The following EYA4 variants were observed in gnomAD, a reference collection of about 807,000 sequenced individuals.
EYA4 encodes the protein protein phosphatase EYA4.
Under a neutral mutation model 87.9 loss-of-function variants are expected in EYA4, and 31 were observed. That is an observed-to-expected ratio of 0.35 (90% CI 0.27 to 0.48). The LOEUF (loss-of-function observed/expected upper bound fraction) is 0.48. Ranked by LOEUF, EYA4 falls within the 20% of genes least tolerant of loss-of-function variation. The pLI, the probability that EYA4 is intolerant of heterozygous loss-of-function variation, is 0.99. For synonymous variants in EYA4, 263 were observed against 270.6 expected (o/e 0.97, Z 0.28); for missense variants, 678 against 761.4 (o/e 0.89, Z 1.29).
intron 3 of EYA4, among the ~76,000 whole-genome samples, chr6:133,393,447 C>A (rs560033266): frequency 1.3e-5 from 2 of 151,902 alleles, no homozygotes; most frequent in Non-Finnish European, 2.9e-5. Flanking sequence ...AGGAACATTG[C>A]GGAGGGGAAT....
chr6:133,529,062 C>A lies in EYA4; in HGVS notation c.*257C>A. The A allele has an allele frequency of 8.0e-7, 1 of 1,251,802 alleles. No individual in the cohort carries two copies. Among genetic ancestry groups the A allele is most frequent in the Non-Finnish European group, 1.0e-6 (1 of 985,226 alleles). The allele number at this position is 1,251,802 out of a possible 1,614,324, so 77.5% of individuals were successfully genotyped here. On this transcript the variant is annotated 3_prime_UTR_variant, in exon 20 of 20. Transcript: ENST00000355286. ...AATCTGTGGAGGTTGCTGGTACACA[C>A]CAAATGAGTCCAAACTGGAATGAGC... is the stretch of plus-strand genomic sequence containing the variant.
chr6:133,322,072 A>G (rs1205594876), intron 2 of EYA4, among the ~76,000 whole-genome samples: 1 of 152,200 alleles, frequency 6.6e-6, no homozygotes, highest in Admixed American at 6.5e-5. Flanking sequence ...GGCTTATGTC[A>G]GTGATCAAAT....
intron 11 of EYA4, 92 bp from the exon 12 acceptor site, chr6:133,481,371 G>A (rs1399997777): frequency 6.4e-6 from 8 of 1,258,492 alleles, no homozygotes; most frequent in Admixed American, 3.4e-5. Flanking sequence ...GGTTTCTATT[G>A]TATAGGAATT....
chr6:133,429,482 C>T (rs893671758), intron 3 of EYA4, among the ~76,000 whole-genome samples: 4 of 151,886 alleles, frequency 2.6e-5, no homozygotes, highest in Admixed American at 2.6e-4. Context: ...TAGAATGTGA[C>T]CCCAGAGACA....
At chr6:133,435,407 T>C (rs951379766) in intron 3 of EYA4, 7 of 152,478 alleles carry the variant, frequency 4.6e-5, no homozygotes, top group Non-Finnish European at 8.8e-5. Flanking sequence ...CTGGTCCTTG[T>C]TAAGGGTCTC....
At chr6:133,379,271 T>A (rs1785969004) in intron 2 of EYA4, among the ~76,000 whole-genome samples, 1 of 152,100 alleles carries the variant, frequency 6.6e-6, no homozygotes, top group Non-Finnish European at 1.5e-5. Flanking sequence ...TGATAGTCAT[T>A]GAAGGTTCTA....
chr6:133,468,933 T>A (rs1795087907), intron 11 of EYA4, among the ~76,000 whole-genome samples: 1 of 152,064 alleles, frequency 6.6e-6, no homozygotes, highest in Non-Finnish European at 1.5e-5. Flanking sequence ...AGATAGGCGA[T>A]TTTAATCTCT....
chr6:133,401,936 G>T (rs996310418), intron 3 of EYA4, among the ~76,000 whole-genome samples: 2 of 152,102 alleles, frequency 1.3e-5, no homozygotes, highest in African/African-American at 4.8e-5. Flanking sequence ...AAAGATGATA[G>T]CAACAGTGCC....
chr6:133,389,966 C>T (rs1787114582), intron 3 of EYA4, among the ~76,000 whole-genome samples: 1 of 152,086 alleles, frequency 6.6e-6, no homozygotes. Flanking sequence ...GGGTCTAGAC[C>T]CTGCCTTTCT....
chr6:133,393,035 G>C (rs1184102265), intron 3 of EYA4, among the ~76,000 whole-genome samples: 5 of 152,180 alleles, frequency 3.3e-5, no homozygotes, highest in African/African-American at 1.2e-4. Context: ...TTGCATCACA[G>C]GGGTAATTAG....
At chr6:133,441,642 G>A (rs1792305387) in intron 3 of EYA4, among the ~76,000 whole-genome samples, 1 of 152,110 alleles carries the variant, frequency 6.6e-6, no homozygotes, top group South Asian at 2.1e-4. Flanking sequence ...GACAGGGTGA[G>A]TGGTCTGGTG....
chr6:133,280,240 G>A (rs940299621), intron 2 of EYA4, among the ~76,000 whole-genome samples: 3 of 152,108 alleles, frequency 2.0e-5, no homozygotes, highest in Non-Finnish European at 2.9e-5. Context: ...CCCAGTTTCA[G>A]AATTACTGTT....
chr6:133,388,659 C>G (rs975280349), intron 3 of EYA4, among the ~76,000 whole-genome samples: 2 of 152,072 alleles, frequency 1.3e-5, no homozygotes, highest in East Asian at 3.9e-4. Flanking sequence ...CTCATTGTTA[C>G]TCAGAGAATA....
chr6:133,242,858 A>T (rs773953731), intron 1 of EYA4, among the ~76,000 whole-genome samples: 7 of 151,908 alleles, frequency 4.6e-5, no homozygotes, highest in Middle Eastern at 3.2e-3. Context: ...AAGACAACGG[A>T]TTTGCGCCTG....
intron 2 of EYA4, among the ~76,000 whole-genome samples, chr6:133,299,653 A>T (rs1779211574): frequency 6.6e-6 from 1 of 151,850 alleles, no homozygotes; most frequent in South Asian, 2.1e-4. Context: ...CGGAGCTTGT[A>T]GTGATCCGAG....
In EYA4 at chr6:133,531,547, A is replaced by C; in HGVS notation, c.*2742A>C. The C allele has an allele frequency of 3.4e-6, 1 of 291,706 alleles. No individual in the cohort carries two copies. The highest frequency in any genetic ancestry group is 6.4e-6 in the Non-Finnish European group (1 of 156,588). The allele number at this position is 291,706 out of a possible 1,614,324, so 18.1% of individuals were successfully genotyped here. ...GTATACAGCTTGGTATATTACTACG[A>C]AAGATAACCACCTTGTGTTGCACCT... is the stretch of plus-strand genomic sequence containing the variant. On this transcript the variant is annotated 3_prime_UTR_variant, in exon 20 of 20. Coordinates refer to ENST00000355286, the MANE Select transcript of EYA4 (RefSeq NM_004100.5).
chr6:133,337,673 C>T (rs1429059696), intron 2 of EYA4, among the ~76,000 whole-genome samples: 2 of 152,204 alleles, frequency 1.3e-5, no homozygotes, highest in Non-Finnish European at 2.9e-5. Flanking sequence ...ATACACATCT[C>T]TAATTGCTCT....
intron 3 of EYA4, among the ~76,000 whole-genome samples, chr6:133,385,342 A>C (rs1241719539): frequency 1.5e-5 from 2 of 131,032 alleles, no homozygotes; most frequent in African/African-American, 3.0e-5. Flanking sequence ...TATTTTATAC[A>C]TATATATATA....
chr6:133,495,087 G>A (rs1470597115), intron 13 of EYA4, among the ~76,000 whole-genome samples: 3 of 151,976 alleles, frequency 2.0e-5, no homozygotes, highest in Middle Eastern at 3.4e-3. Flanking sequence ...TGGCCAACAC[G>A]GCAAAACCCC....
Sources: allele counts gnomAD v4.1 joint callset (sites outside exome capture counted in the v4.1 genomes callset), GRCh38; gene constraint gnomAD v4.1.1; transcripts MANE v1.5; gene names NCBI Gene and HGNC (gene_info 2026-07-23, HGNC 2026-07-21).